The following HDAC4 variants were observed in gnomAD, a reference collection of about 807,000 sequenced individuals.
The protein encoded by HDAC4 is histone deacetylase A.
Under a neutral mutation model 135.1 loss-of-function variants are expected in HDAC4, and 16 were observed. That is an observed-to-expected ratio of 0.12 (90% confidence interval 0.08 to 0.18). The LOEUF is 0.18. Ranked by LOEUF, HDAC4 falls within the 10% of genes least tolerant of loss-of-function variation. The pLI is 1.00. For synonymous variants in HDAC4, 685 were observed against 653.4 expected (o/e 1.05, Z -0.74); for missense variants, 1,143 against 1,511.8 (o/e 0.76, Z 4.05).
chr2:239,383,766 A>C (rs1461951691), intron 1 of HDAC4, among the ~76,000 whole-genome samples: 2 of 152,222 alleles, frequency 1.3e-5, no homozygotes, highest in African/African-American at 4.8e-5. Flanking sequence ...TCCCTCAACG[A>C]TGGCCGGGGC....
At chr2:239,159,092 AC>A (rs2042610592) in intron 6 of HDAC4, among the ~76,000 whole-genome samples, 1 of 148,956 alleles carries the variant, frequency 6.7e-6, no homozygotes, top group Non-Finnish European at 1.5e-5. Flanking sequence ...CACACCTCAC[AC>A]ACACACACCC....
intron 2 of HDAC4, among the ~76,000 whole-genome samples, chr2:239,328,414 C>T (rs1247901318): frequency 1.3e-5 from 2 of 152,250 alleles, no homozygotes; most frequent in South Asian, 2.1e-4. Flanking sequence ...TTCTGTAAGG[C>T]ATTCTGTCCT....
chr2:239,227,716 C>A (rs2047321241), intron 3 of HDAC4, among the ~76,000 whole-genome samples: 1 of 152,186 alleles, frequency 6.6e-6, no homozygotes, highest in Non-Finnish European at 1.5e-5. Context: ...ATAGTCTCTG[C>A]CCGGTGAAAT....
chr2:239,145,354 AC>A (rs1355676739), intron 7 of HDAC4, among the ~76,000 whole-genome samples: 2 of 152,040 alleles, frequency 1.3e-5, no homozygotes, highest in Non-Finnish European at 2.9e-5. Flanking sequence ...CTTTCATCTG[AC>A]CACAGGGTGA....
intron 1 of HDAC4, among the ~76,000 whole-genome samples, chr2:239,353,958 CCCT>C (rs541977410): frequency 4.5e-4 from 68 of 152,200 alleles, no homozygotes; most frequent in African/African-American, 1.6e-3. Flanking sequence ...TAAAATAGTT[CCCT>C]CATGTTTCTG....
At chr2:239,065,038 C>A (rs540093197) in intron 24 of HDAC4, among the ~76,000 whole-genome samples, 3 of 152,254 alleles carry the variant, frequency 2.0e-5, no homozygotes, top group Non-Finnish European at 4.4e-5. Flanking sequence ...CCCCACCGCT[C>A]GTGACCTCGA....
At chr2:239,241,428 A>T (rs939101347) in intron 2 of HDAC4, among the ~76,000 whole-genome samples, 9 of 152,112 alleles carry the variant, frequency 5.9e-5, no homozygotes, top group African/African-American at 2.2e-4. Flanking sequence ...TGGCTTTTTC[A>T]CTGGCTGTTT....
At chr2:239,117,423 C>A (rs3791425) in intron 12 of HDAC4, among the ~76,000 whole-genome samples, 125,825 of 152,062 alleles carry the variant, frequency 0.83, 52,138 homozygotes, top group South Asian at 0.9. Context: ...TATGGAGAGG[C>A]AAGAGAGGGT....
intron 13 of HDAC4, among the ~76,000 whole-genome samples, chr2:239,112,160 G>C (rs2038733827): frequency 6.6e-6 from 1 of 152,198 alleles, no homozygotes; most frequent in Non-Finnish European, 1.5e-5. Context: ...TGGGGCGGCA[G>C]CCTGGCCCTC....
chr2:239,192,708 C>T (rs979704634), intron 3 of HDAC4, among the ~76,000 whole-genome samples: 3 of 152,172 alleles, frequency 2.0e-5, no homozygotes, highest in African/African-American at 4.8e-5. Context: ...GTGATTGGCA[C>T]GCGGTTCTCC....
intron 3 of HDAC4, among the ~76,000 whole-genome samples, chr2:239,196,593 C>T (rs1480795204): frequency 6.6e-6 from 1 of 152,154 alleles, no homozygotes; most frequent in African/African-American, 2.4e-5. Flanking sequence ...GGACAGGGGA[C>T]CAGAGCTTCT....
intron 7 of HDAC4, among the ~76,000 whole-genome samples, chr2:239,147,506 T>A (rs1430416678): frequency 6.6e-6 from 1 of 152,270 alleles, no homozygotes; most frequent in East Asian, 1.9e-4. Context: ...AGGCTGCACG[T>A]GTACTGGCTC....
intron 7 of HDAC4, among the ~76,000 whole-genome samples, chr2:239,149,061 C>A (rs1204020576): frequency 6.6e-6 from 1 of 152,174 alleles, no homozygotes; most frequent in Non-Finnish European, 1.5e-5. Context: ...TCATGAACAT[C>A]ATGGGGGTCT....
intron 1 of HDAC4, among the ~76,000 whole-genome samples, chr2:239,360,022 T>G (rs1366825757): frequency 6.6e-6 from 1 of 152,104 alleles, no homozygotes; most frequent in Non-Finnish European, 1.5e-5. Flanking sequence ...GAAAATTGAC[T>G]TTGGATAATC....
chr2:239,182,716 T>C (rs993301369), intron 4 of HDAC4, among the ~76,000 whole-genome samples: 1 of 152,188 alleles, frequency 6.6e-6, no homozygotes, highest in African/African-American at 2.4e-5. Flanking sequence ...TCCCTGTTCA[T>C]AGCACAAGCT....
At position 239,378,608 on chromosome 2, in the gene HDAC4, G is replaced by A. The variant is rs12613718; in HGVS notation, c.-220+22370C>T. ...TCAGGAGCCAGAGGTGGCCTGAAAC[G>A]GCCCCGGGAACCAAGAACCCCGGGA... is the stretch of plus-strand genomic sequence containing the variant. On this transcript the variant is annotated intron_variant, in intron 1 of 26. Transcript: ENST00000543185. Among the ~76,000 whole-genome samples the A allele has an allele frequency of 2.0e-3, 298 of 152,090 alleles. 1 individual carries two copies. In the East Asian group the frequency reaches 0.024, roughly 12 times the overall value.
In HDAC4 at chr2:239,134,257, G is replaced by T. The variant is rs144022590; in HGVS notation, c.1282C>A (p.Pro428Thr). 198 of 1,611,520 alleles carry T rather than the reference G, an allele frequency of 1.2e-4. No homozygotes were observed. The African/African-American group carries it at 2.3e-3, about 19-fold the overall frequency. ...CATTTGTGCTCACCTGTGACGAGGG[G>T]TGCTTGTGCCGGCGGCTGCTCCAGT... ...VLLEQPPAQA[P>T]LVTDWYLSGL... The change falls in exon 11 of 27, where the codon CCC becomes ACC. Residue 428 changes from proline (P) to threonine (T), a missense_variant. Around this residue, in one of 9 missense-constraint regions of HDAC4, gnomAD observed 272 missense variants for 309.7 expected, o/e 0.88. Coordinates refer to ENST00000543185, the MANE Select transcript of HDAC4 (RefSeq NM_001378414.1).
In HDAC4 at chr2:239,299,112, G is replaced by C. The variant is rs973632193; in HGVS notation, c.22+53566C>G. Among the ~76,000 whole-genome samples, 1 of 152,074 alleles carries C rather than the reference G, an allele frequency of 6.6e-6. No homozygotes were observed. Among genetic ancestry groups the C allele is most frequent in the Non-Finnish European group, 1.5e-5 (1 of 68,010 alleles). ...GATCTCCTGACCTCGTGATCCGCCT[G>C]CCTTGGCCTCCCAAAGTGCTGGGAT... On this transcript the variant is annotated intron_variant, in intron 2 of 26. Coordinates refer to ENST00000543185, the MANE Select transcript of HDAC4 (RefSeq NM_001378414.1). This position sits in a 1 kb window ranked among gnomAD's most constrained non-coding sequence, Gnocchi z 4.0.
chr2:239,165,607 A>G lies in HDAC4; in HGVS notation c.491-1684T>C, dbSNP rs577923122. 3.3e-5 allele frequency among the ~76,000 whole-genome samples: 5 copies of G among 152,240 alleles called. No individual in the cohort carries two copies. The South Asian group carries it at 1.0e-3, about 32-fold the overall frequency. On this transcript the variant is annotated intron_variant, in intron 5 of 26. Coordinates refer to ENST00000543185, the MANE Select transcript of HDAC4 (RefSeq NM_001378414.1). ...TGGTTCGGCCTCGCATGAGAGCTAT[A>G]AATAGGTATTCTCATCCCCCGACTG...
Sources: gnomAD v4.1 joint callset for allele counts (sites outside exome capture counted in the v4.1 genomes callset) on GRCh38, gnomAD v4.1.1 for gene constraint, gnomAD v4.1.1 regional missense constraint, Gnocchi (gnomAD v3.1) non-coding constraint, MANE v1.5 for transcripts, NCBI Gene and HGNC (gene_info 2026-07-23, HGNC 2026-07-21) for gene names.